Variants in LOC128462377 observed in about 807,000 individuals in gnomAD.
the LOC128462377 span, among the ~76,000 whole-genome samples, chr16:89,395,430 GAC>G: frequency 1.1e-4 from 17 of 152,246 alleles, no homozygotes; most frequent in Non-Finnish European, 2.4e-4. Flanking sequence ...AAAGAGAGGA[GAC>G]AGCGCTGGGA....
At chr16:89,340,417 G>C in the LOC128462377 span, among the ~76,000 whole-genome samples, 5 of 152,234 alleles carry the variant, frequency 3.3e-5, no homozygotes, top group East Asian at 5.8e-4. Context: ...TGAGATTACA[G>C]GCATGCGCCA....
At chr16:89,323,869 T>C in the LOC128462377 span, 1 of 217,314 alleles carries the variant, frequency 4.6e-6, no homozygotes, top group Non-Finnish European at 9.2e-6. Flanking sequence ...GTCCTCCGTC[T>C]CACCCCATAA....
the LOC128462377 span, among the ~76,000 whole-genome samples, chr16:89,368,383 T>G: frequency 0.03 from 3,957 of 132,136 alleles, 216 homozygotes; most frequent in African/African-American, 0.11. Flanking sequence ...TTTTTTTTTT[T>G]TTTTTTTTTT....
the LOC128462377 span, among the ~76,000 whole-genome samples, chr16:89,415,677 A>G: frequency 6.6e-6 from 1 of 151,084 alleles, no homozygotes; most frequent in Non-Finnish European, 1.5e-5. Flanking sequence ...AAAACACAAA[A>G]ATCAGCTGGG....
the LOC128462377 span, among the ~76,000 whole-genome samples, chr16:89,388,293 A>ATTTTTTTTTTTTTTT: frequency 5.0e-4 from 43 of 85,292 alleles, 4 homozygotes; most frequent in African/African-American, 1.2e-3. Context: ...CATGAGGCTG[A>ATTTTTTTTTTTTTTT]TTTTTTTTTT....
the LOC128462377 span, among the ~76,000 whole-genome samples, chr16:89,339,709 T>C: frequency 2.0e-5 from 3 of 152,214 alleles, no homozygotes; most frequent in African/African-American, 7.2e-5. Context: ...ACATCCACCA[T>C]CTGTTCATTT....
At chr16:89,415,571 C>CT in the LOC128462377 span, among the ~76,000 whole-genome samples, 1 of 151,538 alleles carries the variant, frequency 6.6e-6, no homozygotes, top group Non-Finnish European at 1.5e-5. Flanking sequence ...GCAAGCTATT[C>CT]TTTTTTTAAA....
At chr16:89,374,051 A>G in the LOC128462377 span, among the ~76,000 whole-genome samples, 1 of 152,210 alleles carries the variant, frequency 6.6e-6, no homozygotes, top group Non-Finnish European at 1.5e-5. Context: ...TGGAGACAAC[A>G]CGCAAGTGTG....
the LOC128462377 span, among the ~76,000 whole-genome samples, chr16:89,358,183 G>A: frequency 7.2e-5 from 11 of 152,208 alleles, no homozygotes; most frequent in Admixed American, 2.0e-4. Flanking sequence ...ATGCCACCAC[G>A]TGCGGGCAGA....
At chr16:89,317,432 C>T in the LOC128462377 span, among the ~76,000 whole-genome samples, 1 of 152,202 alleles carries the variant, frequency 6.6e-6, no homozygotes, top group Non-Finnish European at 1.5e-5. Flanking sequence ...CGGTCAGGCA[C>T]CACAAGGCAG....
the LOC128462377 span, among the ~76,000 whole-genome samples, chr16:89,394,958 G>C: frequency 6.6e-6 from 1 of 152,222 alleles, no homozygotes; most frequent in African/African-American, 2.4e-5. Context: ...TAGAGCTGAT[G>C]AGAGAACCCC....
At chr16:89,410,443 G>A in the LOC128462377 span, among the ~76,000 whole-genome samples, 1 of 152,162 alleles carries the variant, frequency 6.6e-6, no homozygotes, top group Non-Finnish European at 1.5e-5. Context: ...GGGAGTGATG[G>A]TCTTAGCCCT....
At chr16:89,326,379 C>CA in the LOC128462377 span, among the ~76,000 whole-genome samples, 19 of 149,620 alleles carry the variant, frequency 1.3e-4, no homozygotes, top group Non-Finnish European at 2.8e-4. Context: ...GCAGCCACCG[C>CA]CCCCCCCACC....
At chr16:89,414,754 G>T in the LOC128462377 span, among the ~76,000 whole-genome samples, 1 of 152,256 alleles carries the variant, frequency 6.6e-6, no homozygotes, top group Non-Finnish European at 1.5e-5. Flanking sequence ...CTCAGGGCAG[G>T]ACCAGCCTAG....
At chr16:89,381,066 T>A in the LOC128462377 span, among the ~76,000 whole-genome samples, 1 of 152,176 alleles carries the variant, frequency 6.6e-6, no homozygotes, top group Admixed American at 6.5e-5. Flanking sequence ...CTCAGGCCTG[T>A]CATCCCAGCA....
chr16:89,377,347 T>C, the LOC128462377 span, among the ~76,000 whole-genome samples: 1 of 152,048 alleles, frequency 6.6e-6, no homozygotes, highest in African/African-American at 2.4e-5. Flanking sequence ...GAGAAAGCCA[T>C]GAAAGCTGTC....
At chr16:89,364,851 C>G in the LOC128462377 span, among the ~76,000 whole-genome samples, 1 of 152,240 alleles carries the variant, frequency 6.6e-6, no homozygotes, top group Admixed American at 6.5e-5. Flanking sequence ...CCTGATCCCA[C>G]TGCAGATGTT....
the LOC128462377 span, chr16:89,373,526 G>A: frequency 3.3e-5 from 5 of 152,390 alleles, no homozygotes; most frequent in East Asian, 3.9e-4. Context: ...CTGAGTGGAC[G>A]GCTGCAAGGG....
the LOC128462377 span, among the ~76,000 whole-genome samples, chr16:89,389,194 T>G: frequency 6.6e-6 from 1 of 152,092 alleles, no homozygotes; most frequent in Non-Finnish European, 1.5e-5. Flanking sequence ...AATTTTTTTT[T>G]TTTTACTTTT....
Sources: allele counts gnomAD v4.1 joint callset (sites outside exome capture counted in the v4.1 genomes callset), GRCh38; gene constraint gnomAD v4.1.1; transcripts MANE v1.5.